Variants in PPRC1 observed in about 807,000 individuals in gnomAD.
PPRC1 encodes the protein PPARG related coactivator 1, also known as peroxisome proliferator-activated receptor gamma coactivator-related protein 1.
A neutral mutation model predicts 132.5 loss-of-function variants in PPRC1; 23 were observed. The ratio of observed to expected loss-of-function variants is 0.17; its 90% CI spans 0.12 to 0.25. The LOEUF (loss-of-function observed/expected upper bound fraction) is 0.25, where lower values mean the gene tolerates loss of function less well. Ranked by LOEUF, PPRC1 falls within the 10% of genes least tolerant of loss-of-function variation. The probability of loss-of-function intolerance (pLI) is 1.00; values close to 1 mark genes in which losing one functional copy is unlikely to be tolerated. For synonymous variants in PPRC1, 872 were observed against 833.5 expected, an observed-to-expected ratio of 1.05 and a Z score of -0.80; for missense variants, 2,006 against 2,089.1, an observed-to-expected ratio of 0.96 and a Z score of 0.78.
chr10:102,143,840 A>G (rs149285123), intron 6 of PPRC1, among the ~76,000 whole-genome samples: 8 of 152,326 alleles, frequency 5.3e-5, no homozygotes, highest in Admixed American at 2.6e-4. Context: ...GGAGGACACT[A>G]TCTTCTTCTC....
the PPRC1 span, among the ~76,000 whole-genome samples, chr10:102,122,303 C>T: frequency 6.6e-6 from 1 of 152,126 alleles, no homozygotes; most frequent in Admixed American, 6.6e-5. Context: ...ATTCGCTCCT[C>T]AATACCTGAG....
rs754094278 is a variant in PPRC1, at chr10:102,139,922, G to A, written c.1414G>A (p.Val472Met). The A allele has an allele frequency of 2.5e-6, 4 of 1,614,148 alleles. No individual in the cohort carries two copies. The highest frequency in any genetic ancestry group is 3.4e-6 in the Non-Finnish European group (4 of 1,180,050). Reference protein sequence around the residue: ...KKSKEQPAACVEGYARRLRSS... With the variant: ...KKSKEQPAACMEGYARRLRSS... ...GAGCAAGGAGCAGCCAGCAGCCTGTGTGGAAGGCTATGCCAGGAGGCTGAG... is the reference window on the plus strand; with the variant it reads ...GAGCAAGGAGCAGCCAGCAGCCTGTATGGAAGGCTATGCCAGGAGGCTGAG... Residue 472 changes from valine (V) to methionine (M), a missense_variant, in exon 5 of 14, where the codon GTG becomes ATG. Around this residue, in one of 2 missense-constraint regions of PPRC1, gnomAD observed 1,914 missense variants for 1,917.2 expected, o/e 1.00. Transcript: ENST00000278070.
intron 2 of PPRC1, 67 bp from the exon 3 acceptor site, chr10:102,138,552 A>G: frequency 6.4e-7 from 1 of 1,559,092 alleles, no homozygotes; most frequent in South Asian, 1.2e-5. Context: ...CTCGATATCC[A>G]GTCCTTAGTG....
chr10:102,145,875 AAAC>A (rs2069219036), intron 8 of PPRC1, among the ~76,000 whole-genome samples: 1 of 151,696 alleles, frequency 6.6e-6, no homozygotes, highest in South Asian at 2.1e-4. Context: ...TAAAAAAAAC[AAAC>A]AACAAAAAAA....
chr10:102,147,015 C>T lies in PPRC1; in HGVS notation c.4023C>T (p.Ala1341=). 6.2e-7 allele frequency: 1 copy of T among 1,614,158 alleles called. No individual in the cohort carries two copies. Among genetic ancestry groups the T allele is most frequent in the Non-Finnish European group, 8.5e-7 (1 of 1,180,014 alleles). Residue 1341 remains alanine, a synonymous_variant, in exon 9 of 14, where the codon GCC becomes GCT. Transcript: ENST00000278070. The part of the protein sequence containing the change: ...IKPVLSLGPA[A]PPPPCIAASR... ...CTGTCTTGTCCTTGGGCCCAGCTGC[C>T]CCTCCGCCCCCATGCATAGCTGCCT...
At chr10:102,119,967 G>GC in the PPRC1 span, 1 of 729,254 alleles carries the variant, frequency 1.4e-6, no homozygotes. Context: ...AGCCCTTCCA[G>GC]CCCCCGGCTT....
chr10:102,139,509 C>G lies in PPRC1; in HGVS notation c.1001C>G (p.Pro334Arg). 5 of 1,614,022 alleles carry G rather than the reference C, an allele frequency of 3.1e-6. No individual in the cohort carries two copies. The highest frequency in any genetic ancestry group is 4.2e-6 in the Non-Finnish European group (5 of 1,179,960). ...ASLEDELQEQ[P>R]DDLTLPEGCV... Reference sequence around the variant, plus strand: ...CTTGAGGATGAGCTTCAGGAGCAGCCAGATGATTTGACACTGCCTGAGGGC... The same window carrying G: ...CTTGAGGATGAGCTTCAGGAGCAGCGAGATGATTTGACACTGCCTGAGGGC... Residue 334 changes from proline (P) to arginine (R), a missense_variant, in exon 5 of 14, where the codon CCA (proline) becomes CGA (arginine). Transcript: ENST00000278070.
Position 102,140,902 on chromosome 10 carries a change from A to G in PPRC1, c.2394A>G (p.Pro798=), listed in dbSNP as rs1166291224. The G allele has an allele frequency of 2.5e-6, 4 of 1,613,864 alleles. No individual in the cohort carries two copies. Among genetic ancestry groups the G allele is most frequent in the Non-Finnish European group, 3.4e-6 (4 of 1,180,010 alleles). Residue 798 remains proline (P), a synonymous_variant, in exon 5 of 14, where the codon CCA becomes CCG. Transcript: ENST00000278070. ...CAGACATCCCTTGTCTTGTCATCCCACCAGCCCCAGCCAAGAAGACAGCTC... is the reference window on the plus strand; with the variant it reads ...CAGACATCCCTTGTCTTGTCATCCCGCCAGCCCCAGCCAAGAAGACAGCTC... The part of the protein sequence containing the change: ...GLADIPCLVI[P]PAPAKKTALQ...
Position 102,150,098 on chromosome 10 carries a change from A to G in PPRC1, c.*69A>G. The G allele has an allele frequency of 8.7e-7, 1 of 1,146,152 alleles. No homozygotes were observed. Among genetic ancestry groups the G allele is most frequent in the Non-Finnish European group, 1.3e-6 (1 of 762,766 alleles). 71.0% of individuals were successfully genotyped at this position (1,146,152 alleles called of 1,614,324 possible). ...CCAACCTCCTCCACCCCCTTCCCCT[A>G]CTCTAGGGGAGAGAGCTGCTAGTGA... On this transcript the variant is annotated 3_prime_UTR_variant, in exon 14 of 14. Coordinates refer to ENST00000278070, the MANE Select transcript of PPRC1 (RefSeq NM_015062.5).
At chr10:102,129,152 C>G (rs947129403), upstream of PPRC1, among the ~76,000 whole-genome samples, 1 of 151,424 alleles carries the variant, frequency 6.6e-6, no homozygotes, top group Non-Finnish European at 1.5e-5. Flanking sequence ...AGGATGGTCT[C>G]GATCTCCTGA....
upstream of PPRC1, among the ~76,000 whole-genome samples, chr10:102,131,958 C>A (rs1164327565): frequency 1.3e-5 from 2 of 152,124 alleles, no homozygotes; most frequent in Non-Finnish European, 2.9e-5. Flanking sequence ...GAGCCACGGC[C>A]AGAAACAACT....
At chr10:102,145,458 C>T (rs919754887) in intron 8 of PPRC1, among the ~76,000 whole-genome samples, 2 of 151,828 alleles carry the variant, frequency 1.3e-5, no homozygotes, top group African/African-American at 2.4e-5. Flanking sequence ...GTAGTCCCAG[C>T]TACTTGGGAG....
rs763273797 is a variant in PPRC1 at position 102,137,872 on chromosome 10, G to C, written c.176G>C (p.Gly59Ala). The change falls in exon 2 of 14, where the codon GGT (glycine) becomes GCT (alanine). Residue 59 changes from glycine (G) to alanine (A), a missense_variant. Gly to Ala is a moderately conservative substitution (Grantham distance 60). Around this residue, in one of 2 missense-constraint regions of PPRC1, gnomAD observed 1,914 missense variants for 1,917.2 expected, o/e 1.00. Transcript: ENST00000278070. ...GEQVLLHEEAGDSGFVSLSRL... is the reference protein window; with the variant it reads ...GEQVLLHEEAADSGFVSLSRL... ...CAGGTGCTGCTGCATGAGGAGGCGG[G>C]TGATTCTGGCTTTGTCAGTCTCTCT... 1 of 1,613,958 alleles carries C rather than the reference G, an allele frequency of 6.2e-7. No individual in the cohort carries two copies. The highest frequency in any genetic ancestry group is 1.1e-5 in the South Asian group (1 of 91,066).
the PPRC1 span, among the ~76,000 whole-genome samples, chr10:102,123,044 C>A: frequency 1.1e-4 from 16 of 152,322 alleles, no homozygotes; most frequent in East Asian, 3.1e-3. Flanking sequence ...TCTAGCTTCA[C>A]CTTCTCTGGG....
intron 8 of PPRC1, among the ~76,000 whole-genome samples, chr10:102,145,890 A>AG (rs397953191): frequency 2.6e-5 from 4 of 152,072 alleles, no homozygotes; most frequent in African/African-American, 2.4e-5. Context: ...ACAAAAAAAA[A>AG]CAACCATGGA....
At chr10:102,120,715 G>A in the PPRC1 span, among the ~76,000 whole-genome samples, 2 of 152,208 alleles carry the variant, frequency 1.3e-5, no homozygotes, top group African/African-American at 4.8e-5. Flanking sequence ...GGAGGGCGAA[G>A]GGGAGGGCTT....
Position 102,133,045 on chromosome 10 carries a change from A to G in PPRC1, c.-24A>G. On this transcript the variant is annotated 5_prime_UTR_variant, in exon 1 of 14. Transcript: ENST00000278070. The stretch of plus-strand genomic sequence containing the variant: ...GCGAGGCGGCGCCAGCGATCAGAGC[A>G]GCGCTGGGTGTTCAGGGGCCAAGAT... The G allele has an allele frequency of 4.6e-5, 57 of 1,240,052 alleles. No individual in the cohort carries two copies. The highest frequency in any genetic ancestry group is 5.8e-5 in the Non-Finnish European group (57 of 987,886). The allele number at this position is 1,240,052 out of a possible 1,614,324, so 76.8% of individuals were successfully genotyped here.
At chr10:102,137,822 A>G in intron 1 of PPRC1, 28 bp from the exon 2 acceptor site, 2 of 1,604,952 alleles carry the variant, frequency 1.2e-6, no homozygotes, top group Non-Finnish European at 8.5e-7. Flanking sequence ...GAGAGCTCAT[A>G]CCCTTCTCAC....
chr10:102,124,718 C>T, the PPRC1 span, among the ~76,000 whole-genome samples: 1 of 148,586 alleles, frequency 6.7e-6, no homozygotes, highest in Non-Finnish European at 1.5e-5. Flanking sequence ...TCATAGGTAA[C>T]TGCAGCCTCA....
Sources: allele counts gnomAD v4.1 joint callset (sites outside exome capture counted in the v4.1 genomes callset), GRCh38; gene constraint gnomAD v4.1.1; regional missense constraint gnomAD v4.1.1; transcripts MANE v1.5; gene names NCBI Gene and HGNC (gene_info 2026-07-23, HGNC 2026-07-21).